The following HIVEP1 variants were observed in gnomAD, a reference collection of about 807,000 sequenced individuals.
HIVEP1 encodes HIVEP zinc finger 1, also known as zinc finger protein 40.
HIVEP1 carries 36 observed loss-of-function variants against 180.0 expected under a neutral mutation model. That is an observed-to-expected ratio of 0.20 (90% confidence interval 0.15 to 0.26). The LOEUF (loss-of-function observed/expected upper bound fraction) is 0.26. HIVEP1 is among the 10% of genes least tolerant of loss of function. The pLI is 1.00. For missense variants in HIVEP1, 3,143 were observed against 3,268.7 expected (o/e 0.96, Z 0.94); for synonymous variants, 1,239 against 1,239.0 (o/e 1.00, Z 0.00).
At chr6:12,075,832 A>G (rs766447249) in intron 2 of HIVEP1, among the ~76,000 whole-genome samples, 35 of 152,150 alleles carry the variant, frequency 2.3e-4, no homozygotes, top group Non-Finnish European at 4.3e-4. Context: ...ATATCTTTTC[A>G]TGTCATCACA....
upstream of HIVEP1, among the ~76,000 whole-genome samples, chr6:12,010,404 C>G (rs932107074): frequency 2.0e-5 from 3 of 152,088 alleles, no homozygotes; most frequent in African/African-American, 7.2e-5. Flanking sequence ...TTGAGCTTTT[C>G]TTAGCTCAAA....
chr6:12,177,593 T>G, the HIVEP1 span, among the ~76,000 whole-genome samples: 1 of 152,166 alleles, frequency 6.6e-6, no homozygotes, highest in African/African-American at 2.4e-5. Context: ...CAAAGTTCTC[T>G]CATTATTATT....
intron 2 of HIVEP1, among the ~76,000 whole-genome samples, chr6:12,024,828 C>T (rs1303139742): frequency 1.3e-5 from 2 of 152,212 alleles, no homozygotes; most frequent in Admixed American, 1.3e-4. Flanking sequence ...TTGCTGGGTT[C>T]TTGTGCGCCT....
At chr6:12,089,034 C>T in intron 2 of HIVEP1, 150 bp from the exon 3 acceptor site, 2 of 472,144 alleles carry the variant, frequency 4.2e-6, no homozygotes, top group African/African-American at 4.0e-5. Flanking sequence ...GGAATATATC[C>T]TTCAACAGTT....
chr6:12,016,711 G>A (rs1767774890), intron 2 of HIVEP1, among the ~76,000 whole-genome samples: 2 of 152,212 alleles, frequency 1.3e-5, no homozygotes, highest in South Asian at 4.1e-4. Context: ...GTTCAATGAG[G>A]TGGAGATTTA....
rs199658044 is a variant in HIVEP1 at position 12,121,487 on chromosome 6, G to T, written c.1692G>T (p.Val564=). The T allele has an allele frequency of 2.1e-5, 34 of 1,614,178 alleles. No homozygotes were observed. In the African/African-American group the frequency reaches 2.4e-4, roughly 11 times the overall value. The change falls in exon 4 of 9, where the codon GTG becomes GTT. Residue 564 remains valine (V), a synonymous_variant. Transcript: ENST00000379388. The surrounding 1 kb of genome is among the most constrained non-coding windows in gnomAD (Gnocchi z 5.3). ...CTGTGACAGAGTTACCGAAAGTTGT[G>T]GTCCACCATGTCACTGTGTCCCCCT... ...SQAVTELPKV[V]VHHVTVSPLR... is the part of the protein sequence containing the mutation.
upstream of HIVEP1, among the ~76,000 whole-genome samples, chr6:12,010,642 A>C (rs1767226812): frequency 6.6e-6 from 1 of 150,732 alleles, no homozygotes. Flanking sequence ...GTTTCACCTT[A>C]TTCCTCTCAA....
the HIVEP1 span, among the ~76,000 whole-genome samples, chr6:12,206,980 G>C: frequency 6.6e-6 from 1 of 152,106 alleles, no homozygotes; most frequent in East Asian, 1.9e-4. Flanking sequence ...TGTCAACACT[G>C]TCTGTTAATA....
intron 2 of HIVEP1, among the ~76,000 whole-genome samples, chr6:12,061,753 T>A (rs143788552): frequency 1.8e-4 from 27 of 152,208 alleles, no homozygotes; most frequent in Non-Finnish European, 3.7e-4. Flanking sequence ...TCTTTTGTTT[T>A]CTTGTGGATA....
intron 2 of HIVEP1, among the ~76,000 whole-genome samples, chr6:12,070,608 T>C (rs1240259018): frequency 6.6e-6 from 1 of 152,234 alleles, no homozygotes; most frequent in African/African-American, 2.4e-5. Context: ...AATGTCATTA[T>C]GGAATGCTTG....
chr6:12,031,211 C>T (rs1768916386), intron 2 of HIVEP1, among the ~76,000 whole-genome samples: 1 of 152,166 alleles, frequency 6.6e-6, no homozygotes, highest in Non-Finnish European at 1.5e-5. Flanking sequence ...AGGCAGTTCT[C>T]ACATCTGTCC....
chr6:12,165,908 T>C (rs555750134), downstream of HIVEP1, among the ~76,000 whole-genome samples: 14 of 152,314 alleles, frequency 9.2e-5, 2 homozygotes, highest in African/African-American at 3.4e-4. Context: ...TGCGTATCCT[T>C]ATCTCAATTA....
At chr6:12,131,309 G>A (rs12213070) in intron 6 of HIVEP1, among the ~76,000 whole-genome samples, 40,065 of 151,708 alleles carry the variant, frequency 0.26, 6,181 homozygotes, top group Non-Finnish European at 0.35. Flanking sequence ...AAGTAAATTC[G>A]CTGGGTGCTA....
intron 7 of HIVEP1, among the ~76,000 whole-genome samples, chr6:12,152,630 G>T (rs1472594691): frequency 6.6e-6 from 1 of 152,180 alleles, no homozygotes; most frequent in Non-Finnish European, 1.5e-5. Flanking sequence ...AAATTCATTT[G>T]CAGGTTTTTA....
intron 2 of HIVEP1, among the ~76,000 whole-genome samples, chr6:12,061,930 G>T (rs1207062762): frequency 6.6e-6 from 1 of 152,048 alleles, no homozygotes; most frequent in African/African-American, 2.4e-5. Context: ...TGACTTCTTA[G>T]TTTTCTGATG....
intron 2 of HIVEP1, among the ~76,000 whole-genome samples, chr6:12,088,440 T>C (rs1468035134): frequency 6.6e-6 from 1 of 152,092 alleles, no homozygotes; most frequent in Non-Finnish European, 1.5e-5. Context: ...TGTATATCCT[T>C]ATAAAGTTTA....
intron 2 of HIVEP1, among the ~76,000 whole-genome samples, chr6:12,079,880 G>A (rs747640602): frequency 1.2e-4 from 18 of 152,166 alleles, no homozygotes; most frequent in Non-Finnish European, 2.2e-4. Context: ...TTGCCCTGTG[G>A]ATGTTGATTA....
At chr6:12,132,526 A>G (rs1758479430) in intron 6 of HIVEP1, among the ~76,000 whole-genome samples, 1 of 152,180 alleles carries the variant, frequency 6.6e-6, no homozygotes, top group Non-Finnish European at 1.5e-5. Context: ...AACTACAGAG[A>G]TTTCTTGGCA....
intron 2 of HIVEP1, among the ~76,000 whole-genome samples, chr6:12,048,674 A>G (rs1014849959): frequency 2.0e-5 from 3 of 152,250 alleles, no homozygotes; most frequent in Admixed American, 2.0e-4. Flanking sequence ...TTAAAGAACC[A>G]TAGAGGCTAA....
Sources: gnomAD v4.1 joint callset for allele counts (sites outside exome capture counted in the v4.1 genomes callset) on GRCh38, gnomAD v4.1.1 for gene constraint, Gnocchi (gnomAD v3.1) non-coding constraint, MANE v1.5 for transcripts, NCBI Gene and HGNC (gene_info 2026-07-23, HGNC 2026-07-21) for gene names.